Variants in IRAK1BP1 observed in about 807,000 individuals in gnomAD.
The protein encoded by IRAK1BP1 is interleukin-1 receptor-associated kinase 1-binding protein 1.
A neutral mutation model predicts 28.0 loss-of-function variants in IRAK1BP1; 24 were observed. The observed-to-expected ratio is 0.86, with a 90% confidence interval of 0.62 to 1.20. The LOEUF is 1.20. Among genes scored for constraint, IRAK1BP1 ranks in the 50% most tolerant of loss-of-function variants. IRAK1BP1 has a pLI of 0.00. For missense variants in IRAK1BP1, 336 were observed against 316.7 expected (o/e 1.06, Z -0.46); for synonymous variants, 131 against 116.3 (o/e 1.13, Z -0.81).
chr6:78,958,575 C>A, the IRAK1BP1 span: 3 of 1,581,358 alleles, frequency 1.9e-6, no homozygotes, highest in Non-Finnish European at 2.6e-6. Context: ...ATATATCGAA[C>A]TTCCCACATT....
chr6:78,869,954 C>T (rs954376344), intron 1 of IRAK1BP1, among the ~76,000 whole-genome samples: 2 of 151,746 alleles, frequency 1.3e-5, no homozygotes, highest in Non-Finnish European at 2.9e-5. Context: ...ACTAAAAATA[C>T]CAAAATTAGC....
chr6:78,955,179 T>A, the IRAK1BP1 span: 1 of 1,234,088 alleles, frequency 8.1e-7, no homozygotes, highest in Non-Finnish European at 1.2e-6. Flanking sequence ...AGAAAGCTCT[T>A]AATACATTTT....
chr6:78,961,917 T>C, the IRAK1BP1 span: 20 of 779,256 alleles, frequency 2.6e-5, no homozygotes, highest in Non-Finnish European at 3.9e-5. Context: ...ACATAATCAT[T>C]AGTCTGCCAC....
chr6:78,876,179 A>C (rs1447902727), intron 1 of IRAK1BP1, among the ~76,000 whole-genome samples: 5 of 152,128 alleles, frequency 3.3e-5, no homozygotes, highest in African/African-American at 4.8e-5. Flanking sequence ...GGGAGTTCTC[A>C]TGAGAGCTGA....
intron 1 of IRAK1BP1, among the ~76,000 whole-genome samples, chr6:78,880,735 GC>G (rs1400088180): frequency 2.6e-5 from 4 of 152,054 alleles, no homozygotes; most frequent in African/African-American, 9.7e-5. Flanking sequence ...CAGACACTTC[GC>G]CAAGGAACTT....
exon 5 of IRAK1BP1, chr6:78,945,860 T>TA: frequency 1.5e-6 from 1 of 675,630 alleles, no homozygotes; most frequent in Non-Finnish European, 2.5e-6. Flanking sequence ...AACTTTTTTT[T>TA]AAAATAGGAA....
At chr6:78,907,874 C>T (rs145108929), downstream of IRAK1BP1, among the ~76,000 whole-genome samples, 956 of 151,532 alleles carry the variant, frequency 6.3e-3, 19 homozygotes, top group African/African-American at 0.022. Flanking sequence ...CGCATGCCTC[C>T]AGGCCCAGCT....
At chr6:78,965,831 A>G in the IRAK1BP1 span, 20 of 1,176,020 alleles carry the variant, frequency 1.7e-5, 1 homozygote. Flanking sequence ...AATAAAATCA[A>G]TTATCAAAAT....
chr6:78,979,198 T>C, the IRAK1BP1 span, among the ~76,000 whole-genome samples: 1 of 152,054 alleles, frequency 6.6e-6, no homozygotes, highest in Non-Finnish European at 1.5e-5. Context: ...AAAACACTTA[T>C]TCTAGAAAAA....
downstream of IRAK1BP1, among the ~76,000 whole-genome samples, chr6:78,907,605 G>A (rs1772292483): frequency 6.6e-6 from 1 of 152,136 alleles, no homozygotes; most frequent in South Asian, 2.1e-4. Context: ...CTGTTACTGA[G>A]AATGTTTATT....
intron 1 of IRAK1BP1, among the ~76,000 whole-genome samples, chr6:78,875,618 G>A (rs566220029): frequency 1.3e-5 from 2 of 152,148 alleles, no homozygotes; most frequent in Non-Finnish European, 2.9e-5. Flanking sequence ...TCCTACCCCA[G>A]TGCAGAAACA....
At position 78,867,783 on chromosome 6, in the gene IRAK1BP1, G is replaced by C; in HGVS notation, c.207G>C (p.Gln69His). 6.2e-7 allele frequency: 1 copy of C among 1,613,970 alleles called. No homozygotes were observed. The highest frequency in any genetic ancestry group is 8.5e-7 in the Non-Finnish European group (1 of 1,179,954). The change falls in exon 1 of 4, where the codon CAG (glutamine) becomes CAC (histidine). Residue 69 changes from glutamine to histidine, a missense_variant. Gln to His is a conservative substitution (Grantham distance 24, BLOSUM62 0). Coordinates refer to ENST00000369940, the MANE Select transcript of IRAK1BP1 (RefSeq NM_001010844.4). ...TGTCTGCGGGCCCTGACCGGGCGCA[G>C]GTGGTGGTGCGAGTGAGCAGCACCA... Reference protein sequence around the residue: ...SEVSAGPDRAQVVVRVSSTKE... With the variant: ...SEVSAGPDRAHVVVRVSSTKE...
intron 4 of IRAK1BP1, among the ~76,000 whole-genome samples, chr6:78,914,740 T>G (rs1772514082): frequency 6.6e-6 from 1 of 152,246 alleles, no homozygotes; most frequent in South Asian, 2.1e-4. Flanking sequence ...GATTATGACA[T>G]TTGGCTTAAT....
chr6:78,946,452 T>G, downstream of IRAK1BP1: 1 of 1,403,298 alleles, frequency 7.1e-7, no homozygotes, highest in Non-Finnish European at 9.2e-7. Context: ...AATGCTAAAG[T>G]TATATGACGG....
chr6:78,942,501 A>G (rs1218296196), intron 4 of IRAK1BP1, among the ~76,000 whole-genome samples: 3 of 152,124 alleles, frequency 2.0e-5, no homozygotes, highest in Non-Finnish European at 4.4e-5. Flanking sequence ...AAACAAAACA[A>G]AACAAAACAA....
chr6:78,956,992 A>T, the IRAK1BP1 span: 1 of 152,060 alleles, frequency 6.6e-6, no homozygotes, highest in African/African-American at 2.4e-5. Flanking sequence ...TAATAATCAA[A>T]ATTTCAAGGA....
chr6:78,922,291 A>C (rs1395871910), intron 4 of IRAK1BP1, among the ~76,000 whole-genome samples: 1 of 152,242 alleles, frequency 6.6e-6, no homozygotes, highest in Non-Finnish European at 1.5e-5. Flanking sequence ...AAGCCTCAGT[A>C]GCTGATTCGA....
chr6:78,966,007 G>C, the IRAK1BP1 span: 2 of 1,613,702 alleles, frequency 1.2e-6, no homozygotes, highest in Non-Finnish European at 1.7e-6. Context: ...CCTGGCTTTC[G>C]ATTGTTCCAA....
At chr6:78,939,592 T>C (rs1773392106) in intron 4 of IRAK1BP1, 1 of 151,990 alleles carries the variant, frequency 6.6e-6, no homozygotes, top group South Asian at 2.1e-4. Flanking sequence ...TGTGTTTGTA[T>C]ATATATTTAA....
Sources: gnomAD v4.1 joint callset for allele counts (sites outside exome capture counted in the v4.1 genomes callset) on GRCh38, gnomAD v4.1.1 for gene constraint, MANE v1.5 for transcripts, NCBI Gene and HGNC (gene_info 2026-07-23, HGNC 2026-07-21) for gene names.